The following DCUN1D1 variants were observed in gnomAD, a reference collection of about 807,000 sequenced individuals.
DCUN1D1 encodes defective in cullin neddylation 1 domain containing 1.
DCUN1D1 carries 3 observed loss-of-function variants against 39.0 expected under a neutral mutation model. The ratio of observed to expected loss-of-function variants is 0.08; its 90% CI spans 0.04 to 0.20. The LOEUF (loss-of-function observed/expected upper bound fraction) is 0.20, where lower values mean the gene tolerates loss of function less well. Ranked by LOEUF, DCUN1D1 falls within the 10% of genes least tolerant of loss-of-function variation. DCUN1D1 has a pLI of 1.00. For synonymous variants in DCUN1D1, 82 were observed against 96.3 expected (o/e 0.85, Z 0.87); for missense variants, 158 against 302.4 (o/e 0.52, Z 3.54).
chr3:182,972,998 C>T (rs999541742), intron 1 of DCUN1D1, among the ~76,000 whole-genome samples: 1 of 151,920 alleles, frequency 6.6e-6, no homozygotes, highest in Non-Finnish European at 1.5e-5. Flanking sequence ...GCGGAGATCA[C>T]ACCATTGCGC....
chr3:182,958,746 T>A (rs959970094), intron 4 of DCUN1D1, among the ~76,000 whole-genome samples: 5 of 152,184 alleles, frequency 3.3e-5, no homozygotes, highest in African/African-American at 1.2e-4. Context: ...TTTCACATAA[T>A]CTGTTTCTCA....
intron 1 of DCUN1D1, among the ~76,000 whole-genome samples, chr3:182,975,136 C>T (rs1050941827): frequency 9.2e-5 from 14 of 151,864 alleles, no homozygotes; most frequent in African/African-American, 2.4e-4. Flanking sequence ...ACCCAAATGA[C>T]CTGTTCTTTT....
chr3:182,956,944 G>T lies in DCUN1D1; in HGVS notation c.520+4282C>A, dbSNP rs541943695. Among the ~76,000 whole-genome samples the T allele has an allele frequency of 3.7e-4, 57 of 152,346 alleles. 1 individual carries two copies. Among genetic ancestry groups the T allele is most frequent in the South Asian group, 3.1e-3 (15 of 4,828 alleles). On this transcript the variant is annotated intron_variant, in intron 4 of 6. Coordinates refer to ENST00000292782, the MANE Select transcript of DCUN1D1 (RefSeq NM_020640.4). ...CTATTTTGAAAGAAATTGGAAATGT[G>T]TTTGGGGGGATAGTAGTGGGAATAA...
intron 1 of DCUN1D1, among the ~76,000 whole-genome samples, chr3:182,970,836 A>G (rs1286813514): frequency 6.6e-6 from 1 of 152,218 alleles, no homozygotes; most frequent in Non-Finnish European, 1.5e-5. Context: ...AAACGTTACC[A>G]ATATCCAAAA....
At chr3:182,950,297 A>G (rs991866805) in intron 4 of DCUN1D1, among the ~76,000 whole-genome samples, 1 of 151,910 alleles carries the variant, frequency 6.6e-6, no homozygotes, top group Admixed American at 6.6e-5. Flanking sequence ...ACAGGAACGC[A>G]CCACCACGAC....
chr3:182,965,454 T>C (rs1336769705), intron 2 of DCUN1D1, 83 bp downstream of exon 2: 3 of 816,610 alleles, frequency 3.7e-6, no homozygotes, highest in African/African-American at 3.5e-5. Context: ...ATTTAAGTTA[T>C]ATATAGTATT....
At chr3:182,946,548 C>T (rs1560159830) in intron 6 of DCUN1D1, among the ~76,000 whole-genome samples, 1 of 109,464 alleles carries the variant, frequency 9.1e-6, no homozygotes, top group African/African-American at 3.2e-5. Flanking sequence ...CAGAGCAAGA[C>T]TCCATCTCAA....
chr3:182,974,526 T>C (rs1728113360), intron 1 of DCUN1D1, among the ~76,000 whole-genome samples: 1 of 150,710 alleles, frequency 6.6e-6, no homozygotes, highest in Non-Finnish European at 1.5e-5. Flanking sequence ...TTTTTAAAAT[T>C]CCACGGTTAA....
upstream of DCUN1D1, among the ~76,000 whole-genome samples, chr3:182,982,000 C>T (rs887564841): frequency 2.0e-5 from 3 of 152,238 alleles, no homozygotes; most frequent in African/African-American, 7.2e-5. Flanking sequence ...TCCAGGAATT[C>T]ACCTAGCTTT....
At chr3:182,947,470 T>A in intron 5 of DCUN1D1, 80 bp downstream of exon 5, 4 of 1,084,136 alleles carry the variant, frequency 3.7e-6, no homozygotes, top group Non-Finnish European at 5.5e-6. Flanking sequence ...TCATTCTATA[T>A]CCAATACATT....
At chr3:182,976,286 A>G (rs1172356477) in intron 1 of DCUN1D1, among the ~76,000 whole-genome samples, 1 of 152,122 alleles carries the variant, frequency 6.6e-6, no homozygotes, top group African/African-American at 2.4e-5. Context: ...AAAACAAGGT[A>G]TATCGTACCA....
intron 1 of DCUN1D1, among the ~76,000 whole-genome samples, chr3:182,977,974 GGGT>G (rs1728326391): frequency 1.3e-5 from 2 of 150,064 alleles, no homozygotes; most frequent in African/African-American, 4.9e-5. Flanking sequence ...CAGGAGGCAC[GGGT>G]TGCAGTGAGC....
At chr3:182,975,951 C>T (rs888752003) in intron 1 of DCUN1D1, among the ~76,000 whole-genome samples, 1 of 150,976 alleles carries the variant, frequency 6.6e-6, no homozygotes, top group African/African-American at 2.4e-5. Flanking sequence ...GTAGAGTGTA[C>T]CTTCTCGATA....
chr3:182,954,454 T>G (rs1303114411), intron 4 of DCUN1D1, among the ~76,000 whole-genome samples: 1 of 152,198 alleles, frequency 6.6e-6, no homozygotes, highest in African/African-American at 2.4e-5. Flanking sequence ...TTTCCAACTC[T>G]GGGAAGAAAG....
At chr3:182,949,923 A>T (rs1265274434) in intron 4 of DCUN1D1, among the ~76,000 whole-genome samples, 1 of 152,202 alleles carries the variant, frequency 6.6e-6, no homozygotes, top group African/African-American at 2.4e-5. Flanking sequence ...ATACAAACAT[A>T]CTTACCTTCA....
At chr3:182,971,860 AAAAC>A (rs1727956860) in intron 1 of DCUN1D1, among the ~76,000 whole-genome samples, 2 of 152,298 alleles carry the variant, frequency 1.3e-5, no homozygotes, top group South Asian at 4.1e-4. Flanking sequence ...AGTGAAAAGA[AAAAC>A]AAAAAGGGCA....
rs895895796 is a variant in DCUN1D1, at chr3:182,941,563, A to T, written c.*3531T>A. 1.3e-5 allele frequency: 2 copies of T among 152,118 alleles called. No homozygotes were observed. Among genetic ancestry groups the T allele is most frequent in the Non-Finnish European group, 2.9e-5 (2 of 67,968 alleles). 9.4% of individuals were successfully genotyped at this position (152,118 alleles called of 1,614,324 possible). A position where few individuals can be genotyped will look rare whatever the true frequency, so the allele number is the denominator to read the frequency against. On this transcript the variant is annotated 3_prime_UTR_variant, in exon 7 of 7. Coordinates refer to ENST00000292782, the MANE Select transcript of DCUN1D1 (RefSeq NM_020640.4). The stretch of plus-strand genomic sequence containing the variant: ...TTTATATGTTAAATAGTTCACATTT[A>T]AAAAAACATTTTATCATTACATTAT...
intron 4 of DCUN1D1, 43 bp downstream of exon 4, chr3:182,961,183 G>T: frequency 2.3e-6 from 3 of 1,321,348 alleles, no homozygotes; most frequent in South Asian, 1.3e-5. Context: ...CAATGTATTT[G>T]AATATATCTG....
At chr3:182,946,323 C>T (rs906995518) in intron 6 of DCUN1D1, among the ~76,000 whole-genome samples, 3 of 151,980 alleles carry the variant, frequency 2.0e-5, no homozygotes, top group South Asian at 4.1e-4. Flanking sequence ...TTCGGGAGAC[C>T]GAGGCGGGTG....
Sources: gnomAD v4.1 joint callset for allele counts (sites outside exome capture counted in the v4.1 genomes callset) on GRCh38, gnomAD v4.1.1 for gene constraint, MANE v1.5 for transcripts, NCBI Gene and HGNC (gene_info 2026-07-23, HGNC 2026-07-21) for gene names.